SORCS1: variants seen among roughly 807,000 people sequenced by gnomAD.
SORCS1 encodes VPS10 domain-containing receptor SorCS1.
A neutral mutation model predicts 146.1 loss-of-function variants in SORCS1; 60 were observed. The ratio of observed to expected loss-of-function variants is 0.41; its 90% confidence interval spans 0.33 to 0.51. SORCS1 has a LOEUF of 0.51. Ranked by LOEUF, SORCS1 falls within the 20% of genes least tolerant of loss-of-function variation. SORCS1 has a pLI of 0.21. For synonymous variants in SORCS1, 637 were observed against 584.0 expected (o/e 1.09, Z -1.31); for missense variants, 1,352 against 1,487.6 (o/e 0.91, Z 1.50).
chr10:106,762,422 T>C lies in SORCS1; in HGVS notation c.886-761A>G, dbSNP rs547533680. Among the ~76,000 whole-genome samples, 6 of 139,000 alleles carry C rather than the reference T, an allele frequency of 4.3e-5. 1 individual carries two copies. Among genetic ancestry groups the C allele is most frequent in the African/African-American group, 1.7e-4 (6 of 36,244 alleles). 91.2% of individuals were successfully genotyped at this position (139,000 alleles called of 152,430 possible). A position where few individuals can be genotyped will look rare whatever the true frequency, so the allele number is the denominator to read the frequency against. Reference sequence around the variant, plus strand: ...TTTTTTTTTTTTTTGAGACAGAGTCTTGCTCTGTCGCCCAGGCTGGAGTGC... The same window carrying C: ...TTTTTTTTTTTTTTGAGACAGAGTCCTGCTCTGTCGCCCAGGCTGGAGTGC... On this transcript the variant is annotated intron_variant, in intron 4 of 25. Transcript: ENST00000263054.
At chr10:107,123,609 G>A (rs184323707) in intron 1 of SORCS1, among the ~76,000 whole-genome samples, 32 of 152,288 alleles carry the variant, frequency 2.1e-4, no homozygotes, top group Admixed American at 3.3e-4. Context: ...CTTTTAGAAC[G>A]CTTAATTTAA....
chr10:107,169,524 C>T (rs1317823561), upstream of SORCS1, among the ~76,000 whole-genome samples: 1 of 152,162 alleles, frequency 6.6e-6, no homozygotes, highest in Non-Finnish European at 1.5e-5. Context: ...AGATTATCTA[C>T]CTAACTCATA....
At chr10:107,065,874 G>C (rs769939874) in intron 1 of SORCS1, among the ~76,000 whole-genome samples, 18 of 152,196 alleles carry the variant, frequency 1.2e-4, no homozygotes, top group Admixed American at 9.2e-4. Context: ...TGCTAAGGAT[G>C]AGTACTATAA....
At chr10:106,618,046 C>A in intron 21 of SORCS1, 103 bp downstream of exon 21, 1 of 1,482,368 alleles carries the variant, frequency 6.7e-7, no homozygotes, top group Non-Finnish European at 9.2e-7. Context: ...CCTCCGTTCT[C>A]CAGGTAAAAG....
At chr10:106,646,502 C>A (rs549106042) in intron 18 of SORCS1, among the ~76,000 whole-genome samples, 175 of 151,948 alleles carry the variant, frequency 1.2e-3, no homozygotes, top group African/African-American at 3.8e-3. Flanking sequence ...TCGAGACGAG[C>A]CTGACCAACA....
chr10:106,809,202 G>C (rs955518507), intron 3 of SORCS1, among the ~76,000 whole-genome samples: 1 of 151,320 alleles, frequency 6.6e-6, no homozygotes, highest in Non-Finnish European at 1.5e-5. Context: ...GGAGTAATAG[G>C]TATACAATAA....
intron 3 of SORCS1, among the ~76,000 whole-genome samples, chr10:106,814,261 C>T (rs887344338): frequency 1.3e-5 from 2 of 152,204 alleles, no homozygotes; most frequent in Admixed American, 6.5e-5. Context: ...TTTGCCTTTA[C>T]ATTTTCTCTG....
chr10:106,672,763 AT>A (rs1564842185), intron 15 of SORCS1, 104 bp downstream of exon 15: 4 of 842,970 alleles, frequency 4.7e-6, no homozygotes, highest in African/African-American at 1.7e-5. Flanking sequence ...GTAGATGGAC[AT>A]TTTGGCCTAG....
intron 1 of SORCS1, among the ~76,000 whole-genome samples, chr10:107,120,846 G>C (rs1966363281): frequency 6.6e-6 from 1 of 152,124 alleles, no homozygotes; most frequent in East Asian, 1.9e-4. Flanking sequence ...TCATAGGGGA[G>C]ACCACAGTGA....
At chr10:107,082,746 G>A (rs918932762) in intron 1 of SORCS1, among the ~76,000 whole-genome samples, 3 of 152,054 alleles carry the variant, frequency 2.0e-5, no homozygotes, top group African/African-American at 7.2e-5. Flanking sequence ...CAAAGTGCTG[G>A]GATTACAGGT....
chr10:106,762,493 C>T (rs1222318673), intron 4 of SORCS1, among the ~76,000 whole-genome samples: 7 of 145,222 alleles, frequency 4.8e-5, no homozygotes, highest in African/African-American at 7.7e-5. Flanking sequence ...CCCGGGTTCA[C>T]GCCATTCTAC....
chr10:106,613,334 G>A (rs925890168), intron 21 of SORCS1, among the ~76,000 whole-genome samples: 5 of 152,130 alleles, frequency 3.3e-5, no homozygotes, highest in African/African-American at 9.7e-5. Context: ...ATCGACCACC[G>A]TGCATGCATA....
At chr10:107,113,471 G>A (rs568179268) in intron 1 of SORCS1, among the ~76,000 whole-genome samples, 94 of 151,942 alleles carry the variant, frequency 6.2e-4, no homozygotes, top group African/African-American at 2.1e-3. Flanking sequence ...GATGGATCAC[G>A]AGGTCAAGAG....
intron 3 of SORCS1, among the ~76,000 whole-genome samples, chr10:106,788,979 C>T (rs1392194751): frequency 6.6e-6 from 1 of 152,246 alleles, no homozygotes; most frequent in Non-Finnish European, 1.5e-5. Flanking sequence ...TTCCATACAT[C>T]CTCTAAAATC....
intron 1 of SORCS1, among the ~76,000 whole-genome samples, chr10:107,118,613 G>A (rs1966198675): frequency 6.6e-6 from 1 of 152,118 alleles, no homozygotes; most frequent in South Asian, 2.1e-4. Context: ...AGGATAAACA[G>A]ACCGATGGGT....
intron 1 of SORCS1, among the ~76,000 whole-genome samples, chr10:107,033,545 A>G (rs7089960): frequency 0.36 from 54,848 of 152,074 alleles, 9,925 homozygotes; most frequent in Admixed American, 0.41. Context: ...TAGAGAACTC[A>G]AACAGAAACA....
At chr10:106,600,541 C>A (rs1464652269) in intron 23 of SORCS1, 10 of 985,280 alleles carry the variant, frequency 1.0e-5, no homozygotes, top group Non-Finnish European at 1.1e-5. Context: ...TTTTCCACAC[C>A]ACTTGTAGAA....
intron 4 of SORCS1, among the ~76,000 whole-genome samples, 198 bp from the exon 5 acceptor site, chr10:106,761,859 C>T (rs536546783): frequency 4.6e-5 from 7 of 152,310 alleles, no homozygotes; most frequent in African/African-American, 1.7e-4. Flanking sequence ...CATCATTTTA[C>T]AGTTGAGGAA....
intron 5 of SORCS1, among the ~76,000 whole-genome samples, chr10:106,761,091 A>G (rs1009740754): frequency 2.0e-5 from 3 of 152,146 alleles, no homozygotes; most frequent in African/African-American, 7.2e-5. Flanking sequence ...TGGGTGACAG[A>G]GTGAGACTGT....
Sources: allele counts gnomAD v4.1 joint callset (sites outside exome capture counted in the v4.1 genomes callset), GRCh38; gene constraint gnomAD v4.1.1; transcripts MANE v1.5; gene names NCBI Gene and HGNC (gene_info 2026-07-23, HGNC 2026-07-21).